The following TRERF1 variants were observed in gnomAD, a reference collection of about 807,000 sequenced individuals.
The protein encoded by TRERF1 is transcriptional regulating factor 1.
A neutral mutation model predicts 122.9 loss-of-function variants in TRERF1; 27 were observed. That is an observed-to-expected ratio of 0.22 (90% CI 0.16 to 0.30). TRERF1 has a LOEUF of 0.30. TRERF1 is among the 10% of genes least tolerant of loss of function. TRERF1 has a pLI of 1.00. For missense variants in TRERF1, 1,248 were observed against 1,560.3 expected (o/e 0.80, Z 3.37); for synonymous variants, 636 against 641.7 (o/e 0.99, Z 0.13).
At chr6:42,345,784 A>G (rs1768157434) in intron 3 of TRERF1, among the ~76,000 whole-genome samples, 1 of 152,184 alleles carries the variant, frequency 6.6e-6, no homozygotes, top group Non-Finnish European at 1.5e-5. Flanking sequence ...GGCTTGGGGC[A>G]CCGTCTTGAT....
intron 4 of TRERF1, among the ~76,000 whole-genome samples, chr6:42,298,727 G>A (rs1401255924): frequency 2.0e-5 from 3 of 151,808 alleles, no homozygotes; most frequent in Non-Finnish European, 2.9e-5. Flanking sequence ...ATCACCTGAG[G>A]TCAGGAATTT....
At chr6:42,345,118 G>T (rs1768021613) in intron 3 of TRERF1, among the ~76,000 whole-genome samples, 1 of 152,168 alleles carries the variant, frequency 6.6e-6, no homozygotes, top group South Asian at 2.1e-4. Context: ...CTCTGTAAAT[G>T]CATTACTGTG....
At chr6:42,319,004 C>T (rs1005781857) in intron 3 of TRERF1, among the ~76,000 whole-genome samples, 2 of 152,218 alleles carry the variant, frequency 1.3e-5, no homozygotes, top group African/African-American at 2.4e-5. Context: ...TAACTTGTAT[C>T]GCTTTTGGGC....
intron 2 of TRERF1, among the ~76,000 whole-genome samples, chr6:42,376,994 T>C (rs2151098476): frequency 6.6e-6 from 1 of 152,052 alleles, no homozygotes; most frequent in African/African-American, 2.4e-5. Flanking sequence ...GCCTCCCAAG[T>C]AGCTGGAATT....
At chr6:42,235,790 G>A (rs1404057772) in intron 16 of TRERF1, among the ~76,000 whole-genome samples, 1 of 152,220 alleles carries the variant, frequency 6.6e-6, no homozygotes, top group African/African-American at 2.4e-5. Context: ...GGTAGGGCAA[G>A]TAATTATGTC....
rs991039487 is a variant in TRERF1, at chr6:42,393,056, A to G, written c.-453-29977T>C. On this transcript the variant is annotated intron_variant, in intron 2 of 17. Coordinates refer to ENST00000372922, the Ensembl canonical transcript of TRERF1. The surrounding 1 kb of genome is among the most constrained non-coding windows in gnomAD (Gnocchi z 4.1). Reference sequence around the variant, plus strand: ...CATGGAGTTGGGAAGAGACATGCACAGTTAACTCCCACGAGCTGGTGCGAG... The same window carrying G: ...CATGGAGTTGGGAAGAGACATGCACGGTTAACTCCCACGAGCTGGTGCGAG... Among the ~76,000 whole-genome samples the G allele has an allele frequency of 3.3e-5, 5 of 152,196 alleles. No homozygotes were observed. Among genetic ancestry groups the G allele is most frequent in the Non-Finnish European group, 7.3e-5 (5 of 68,038 alleles).
intron 4 of TRERF1, among the ~76,000 whole-genome samples, chr6:42,285,811 C>T (rs1783106788): frequency 1.3e-5 from 2 of 151,708 alleles, no homozygotes; most frequent in African/African-American, 4.8e-5. Flanking sequence ...TCATATGGAA[C>T]CAAAAAAGAG....
chr6:42,431,329 T>C (rs901041538), intron 2 of TRERF1, among the ~76,000 whole-genome samples: 1 of 151,814 alleles, frequency 6.6e-6, no homozygotes, highest in Non-Finnish European at 1.5e-5. Context: ...AAGATAAGAA[T>C]GGAAAATAGA....
At chr6:42,296,095 C>T (rs1286971069) in intron 4 of TRERF1, among the ~76,000 whole-genome samples, 1 of 152,142 alleles carries the variant, frequency 6.6e-6, no homozygotes, top group African/African-American at 2.4e-5. Context: ...ACAGTGAGTC[C>T]ACGCAGCCCC....
At chr6:42,286,434 C>G (rs1488598824) in intron 4 of TRERF1, among the ~76,000 whole-genome samples, 1 of 139,090 alleles carries the variant, frequency 7.2e-6, no homozygotes, top group Non-Finnish European at 1.6e-5. Flanking sequence ...TGAACTCAAA[C>G]AAATTTACAA....
intron 4 of TRERF1, among the ~76,000 whole-genome samples, chr6:42,272,308 G>A (rs1780361811): frequency 6.6e-6 from 1 of 152,208 alleles, no homozygotes; most frequent in African/African-American, 2.4e-5. Context: ...AACTTCAGAT[G>A]AGGGGTTGCA....
chr6:42,368,125 C>A (rs1312724146), intron 2 of TRERF1, among the ~76,000 whole-genome samples: 1 of 152,146 alleles, frequency 6.6e-6, no homozygotes, highest in Non-Finnish European at 1.5e-5. Context: ...TGTTCACAAT[C>A]TCCCAAGTGC....
At chr6:42,262,440 GA>G (rs1778195274) in intron 8 of TRERF1, among the ~76,000 whole-genome samples, 1 of 27,698 alleles carries the variant, frequency 3.6e-5, no homozygotes, top group Non-Finnish European at 7.2e-5. Flanking sequence ...GGGGCAGAGA[GA>G]GAGAGAGAGA....
At chr6:42,270,347 T>C (rs906966635) in intron 4 of TRERF1, among the ~76,000 whole-genome samples, 1 of 152,236 alleles carries the variant, frequency 6.6e-6, no homozygotes, top group African/African-American at 2.4e-5. Context: ...AATGGCTCAG[T>C]AGTTCATTGA....
chr6:42,387,070 T>C (rs1776927245), intron 2 of TRERF1, among the ~76,000 whole-genome samples: 2 of 152,214 alleles, frequency 1.3e-5, no homozygotes, highest in African/African-American at 4.8e-5. Context: ...AGAACTACTG[T>C]CCTAGATGAA....
intron 4 of TRERF1, among the ~76,000 whole-genome samples, chr6:42,282,389 A>T (rs190707899): frequency 1.4e-4 from 22 of 152,270 alleles, no homozygotes; most frequent in Admixed American, 6.5e-4. Flanking sequence ...CTCTACAAAA[A>T]ATACAAAAAT....
intron 15 of TRERF1, among the ~76,000 whole-genome samples, chr6:42,240,468 C>T (rs928405930): frequency 7.2e-5 from 11 of 152,324 alleles, no homozygotes; most frequent in Middle Eastern, 3.4e-3. Flanking sequence ...GACCAGCAAG[C>T]CTAGGAGCAA....
chr6:42,392,561 C>T (rs759109793), intron 2 of TRERF1, among the ~76,000 whole-genome samples: 1 of 152,020 alleles, frequency 6.6e-6, no homozygotes, highest in Non-Finnish European at 1.5e-5. Flanking sequence ...AAGACCTATC[C>T]AGAAAGGATC....
intron 3 of TRERF1, among the ~76,000 whole-genome samples, chr6:42,303,927 A>AAAAAAAG (rs1554157103): frequency 3.3e-5 from 5 of 150,110 alleles, no homozygotes; most frequent in African/African-American, 9.8e-5. Context: ...AAAAAAAAAA[A>AAAAAAAG]AAGAAGATGT....
Sources: gnomAD v4.1 joint callset for allele counts (sites outside exome capture counted in the v4.1 genomes callset) on GRCh38, gnomAD v4.1.1 for gene constraint, Gnocchi (gnomAD v3.1) non-coding constraint, MANE v1.5 for transcripts, NCBI Gene and HGNC (gene_info 2026-07-23, HGNC 2026-07-21) for gene names.